A3GALT2: variants seen among roughly 807,000 people sequenced by gnomAD.
A3GALT2 encodes alpha-1,3-galactosyltransferase 2.
A3GALT2 carries 14 observed loss-of-function variants against 16.6 expected under a neutral mutation model. The ratio of observed to expected loss-of-function variants is 0.84; its 90% CI spans 0.56 to 1.32. A3GALT2 has a LOEUF of 1.32. A3GALT2 is among the 40% of genes most tolerant of loss of function. A3GALT2 has a pLI of 0.00. For missense variants in A3GALT2, 600 were observed against 490.9 expected (o/e 1.22, Z -2.10); for synonymous variants, 253 against 218.0 (o/e 1.16, Z -1.42).
At chr1:33,317,217 G>A (rs1024775786) in intron 1 of A3GALT2, among the ~76,000 whole-genome samples, 3 of 152,064 alleles carry the variant, frequency 2.0e-5, no homozygotes, top group Non-Finnish European at 4.4e-5. Context: ...CTGCAGTCAC[G>A]TAGAAAAATG....
rs778977239 is a variant in A3GALT2 at position 33,306,991 on chromosome 1, G to A, written c.798C>T (p.Arg266=). The change falls in exon 5 of 5, where the codon CGC becomes CGT. Residue 266 remains arginine (R), a synonymous_variant. Transcript: ENST00000442999. Reference sequence around the variant, plus strand: ...CCCCCGCACAGTGCGCCGTCAGCCCGCGCAGCGCCGCCACGCTGCCCCCGA... The same window carrying A: ...CCCCCGCACAGTGCGCCGTCAGCCCACGCAGCGCCGCCACGCTGCCCCCGA... ...AVFGGSVAAL[R]GLTAHCAGGL... 4.8e-6 allele frequency: 7 copies of A among 1,462,636 alleles called. No homozygotes were observed. Among genetic ancestry groups the A allele is most frequent in the Non-Finnish European group, 6.3e-6 (7 of 1,114,466 alleles). 90.6% of individuals were successfully genotyped at this position (1,462,636 alleles called of 1,614,324 possible). A position where few individuals can be genotyped will look rare whatever the true frequency, so the allele number is the denominator to read the frequency against.
chr1:33,321,046 C>A, intron 1 of A3GALT2, 30 bp downstream of exon 1: 2 of 1,613,000 alleles, frequency 1.2e-6, no homozygotes, highest in Non-Finnish European at 1.7e-6. Context: ...CCCAAGCTTT[C>A]TTCCTCTCCA....
In A3GALT2 at chr1:33,307,308, C is replaced by G; in HGVS notation, c.481G>C (p.Glu161Gln). 1.3e-6 allele frequency: 2 copies of G among 1,493,554 alleles called. No individual in the cohort carries two copies. Among genetic ancestry groups the G allele is most frequent in the South Asian group, 1.3e-5 (1 of 77,168 alleles). The allele number at this position is 1,493,554 out of a possible 1,614,324, so 92.5% of individuals were successfully genotyped here. ...ALGPGRRLPV[E>Q]RVARERRWQD... is the part of the protein sequence containing the mutation. ...CAGCGCCGCTCGCGCGCCACGCGCTCCACGGGCAGCCGGCGTCCCGGGCCC... is the reference window on the plus strand; with the variant it reads ...CAGCGCCGCTCGCGCGCCACGCGCTGCACGGGCAGCCGGCGTCCCGGGCCC... The change falls in exon 5 of 5, where the codon GAG (glutamate) becomes CAG (glutamine). Residue 161 changes from glutamate to glutamine, a missense_variant. Transcript: ENST00000442999.
In A3GALT2 at chr1:33,320,271, G is replaced by A. The variant is rs1056933957; in HGVS notation, c.23+805C>T. 2.0e-5 allele frequency among the ~76,000 whole-genome samples: 3 copies of A among 152,038 alleles called. No individual in the cohort carries two copies. Among genetic ancestry groups the A allele is most frequent in the African/African-American group, 7.2e-5 (3 of 41,450 alleles). On this transcript the variant is annotated intron_variant, in intron 1 of 4. Coordinates refer to ENST00000442999, the MANE Select transcript of A3GALT2 (RefSeq NM_001080438.1). This position sits in a 1 kb window ranked among gnomAD's most constrained non-coding sequence, Gnocchi z 4.3. ...GGGAGGTGTGCGAGGTACTGCGTAA[G>A]GTACTACAGGAGCAGGAAAAGGCTG...
At position 33,312,074 on chromosome 1, in the gene A3GALT2, G is replaced by C. The variant is rs146764026; in HGVS notation, c.313C>G (p.Leu105Val). 3.5e-3 allele frequency: 5,641 copies of C among 1,613,258 alleles called. 17 individuals are homozygous for C. Among genetic ancestry groups the C allele is most frequent in the Non-Finnish European group, 4.4e-3 (5,180 of 1,179,498 alleles). ...EARQQNLTIG[L>V]TIFAVGRYLE... The stretch of plus-strand genomic sequence containing the variant: ...TACCTGCCTACAGCAAAGATAGTCA[G>C]CCCAATGGTGAGGTTCTGCTGTCTA... Residue 105 changes from leucine (L) to valine (V), a missense_variant, in exon 4 of 5, where the codon CTG becomes GTG. Coordinates refer to ENST00000442999, the MANE Select transcript of A3GALT2 (RefSeq NM_001080438.1).
chr1:33,310,784 G>T (rs560554627), intron 4 of A3GALT2, among the ~76,000 whole-genome samples: 4 of 152,340 alleles, frequency 2.6e-5, no homozygotes, highest in South Asian at 4.1e-4. Flanking sequence ...CAGTATCCCA[G>T]AATTTTCTGT....
intron 4 of A3GALT2, among the ~76,000 whole-genome samples, chr1:33,308,466 C>T (rs976621795): frequency 4.6e-5 from 7 of 152,092 alleles, no homozygotes; most frequent in Non-Finnish European, 1.0e-4. Context: ...AGTACAGTGG[C>T]GCTATCTCAG....
At position 33,312,555 on chromosome 1, in the gene A3GALT2, G is replaced by A; in HGVS notation, c.143C>T (p.Pro48Leu). ...TCTCAGCTGGGACATTGTGGCCGAA[G>A]GGCAGACGCCCATGGGGATGAGGGC... is the stretch of plus-strand genomic sequence containing the variant. ...LEALIPMGVC[P>L]SATMSQLRDN... The change falls in exon 3 of 5, where the codon CCT becomes CTT. Residue 48 changes from proline (P) to leucine (L), a missense_variant. Physicochemically the swap from Pro to Leu is moderately conservative, Grantham distance 98. Transcript: ENST00000442999. The A allele has an allele frequency of 6.2e-7, 1 of 1,602,538 alleles. No homozygotes were observed. Among genetic ancestry groups the A allele is most frequent in the East Asian group, 2.2e-5 (1 of 44,756 alleles).
rs1646199438 is a variant in A3GALT2 at position 33,307,286 on chromosome 1, C to A, written c.503G>T (p.Arg168Leu). The change falls in exon 5 of 5, where the codon CGC becomes CTC. Residue 168 changes from arginine (R) to leucine (L), a missense_variant. Coordinates refer to ENST00000442999, the MANE Select transcript of A3GALT2 (RefSeq NM_001080438.1). Reference sequence around the variant, plus strand: ...GCGCGCCATCGACACGTCTTGCCAGCGCCGCTCGCGCGCCACGCGCTCCAC... The same window carrying A: ...GCGCGCCATCGACACGTCTTGCCAGAGCCGCTCGCGCGCCACGCGCTCCAC... The part of the protein sequence containing the change: ...LPVERVARER[R>L]WQDVSMARMR... The A allele has an allele frequency of 6.9e-6, 10 of 1,439,148 alleles. No homozygotes were observed. The highest frequency in any genetic ancestry group is 1.5e-5 in the African/African-American group (1 of 67,158). The allele number at this position is 1,439,148 out of a possible 1,614,324, so 89.1% of individuals were successfully genotyped here. A position where few individuals can be genotyped will look rare whatever the true frequency, so the allele number is the denominator to read the frequency against.
At chr1:33,310,576 C>T (rs142955005) in intron 4 of A3GALT2, among the ~76,000 whole-genome samples, 23 of 152,284 alleles carry the variant, frequency 1.5e-4, no homozygotes, top group Non-Finnish European at 2.8e-4. Flanking sequence ...TGTGCATTGT[C>T]TCATCTAAAG....
At chr1:33,309,746 G>A (rs868764456) in intron 4 of A3GALT2, among the ~76,000 whole-genome samples, 2 of 152,076 alleles carry the variant, frequency 1.3e-5, no homozygotes, top group Non-Finnish European at 2.9e-5. Context: ...TCAGACGATG[G>A]GCGGCCGGGC....
At chr1:33,312,977 A>T in intron 1 of A3GALT2, 87 bp from the exon 2 acceptor site, 1 of 1,107,046 alleles carries the variant, frequency 9.0e-7, no homozygotes, top group Non-Finnish European at 1.3e-6. Context: ...AGTCTTTCTT[A>T]CTTCCAGCCA....
Position 33,306,996 on chromosome 1 carries a change from G to GCGCCGCCACGCTGCCCCCGAACAC in A3GALT2, c.769_792dup (p.Val257_Ala264dup). The GCGCCGCCACGCTGCCCCCGAACAC allele has an allele frequency of 1.4e-6, 2 of 1,460,488 alleles. No homozygotes were observed. The highest frequency in any genetic ancestry group is 1.4e-5 in the South Asian group (1 of 73,230). The allele number at this position is 1,460,488 out of a possible 1,614,324, so 90.5% of individuals were successfully genotyped here. A position where few individuals can be genotyped will look rare whatever the true frequency, so the allele number is the denominator to read the frequency against. ...GCACAGTGCGCCGTCAGCCCGCGCAGCGCCGCCACGCTGCCCCCGAACACC... is the reference window on the plus strand; with the variant it reads ...GCACAGTGCGCCGTCAGCCCGCGCAGCGCCGCCACGCTGCCCCCGAACACCGCCGCCACGCTGCCCCCGAACACC... On this transcript the variant is annotated inframe_insertion, in exon 5 of 5. Transcript: ENST00000442999.
In A3GALT2 at chr1:33,320,762, C is replaced by T. The variant is rs1026063181; in HGVS notation, c.23+314G>A. Among the ~76,000 whole-genome samples the T allele has an allele frequency of 6.6e-5, 10 of 151,958 alleles. No homozygotes were observed. Among genetic ancestry groups the T allele is most frequent in the African/African-American group, 1.4e-4 (6 of 41,414 alleles). On this transcript the variant is annotated intron_variant, in intron 1 of 4. Transcript: ENST00000442999. This position sits in a 1 kb window ranked among gnomAD's most constrained non-coding sequence, Gnocchi z 4.3. The stretch of plus-strand genomic sequence containing the variant: ...TACAGTCGGGGAGGGAATGTACCCC[C>T]GGGTCTCTGCTTTCCGGCTCGCCAA...
At chr1:33,311,904 G>A (rs1331405508) in intron 4 of A3GALT2, 148 bp downstream of exon 4, 2 of 1,177,594 alleles carry the variant, frequency 1.7e-6, no homozygotes, top group Admixed American at 2.4e-5. Flanking sequence ...GCTCATCTGG[G>A]GGTGTGGGGC....
intron 1 of A3GALT2, among the ~76,000 whole-genome samples, chr1:33,318,230 C>G (rs905593745): frequency 6.6e-6 from 1 of 152,166 alleles, no homozygotes. Context: ...TTAAACATGT[C>G]TAGTAGCCAC....
Position 33,307,408 on chromosome 1 carries a change from C to A in A3GALT2, c.381G>T (p.Gln127His), listed in dbSNP as rs200061924. 1,279 of 1,557,942 alleles carry A rather than the reference C, an allele frequency of 8.2e-4. 12 individuals carry two copies. Among genetic ancestry groups the A allele is most frequent in the South Asian group, 2.3e-3 (206 of 88,042 alleles). The change falls in exon 5 of 5, where the codon CAG becomes CAT. Residue 127 changes from glutamine to histidine, a missense_variant. By Grantham distance (24) the Gln-to-His change is conservative. Transcript: ENST00000442999. Reference protein sequence around the residue: ...YLERFLETAEQHFMAGQSVMY... With the variant: ...YLERFLETAEHHFMAGQSVMY... ...TCACGCTCTGGCCCGCCATGAAGTG[C>A]TGCTCCGCCGTCTCCAGGAAGCGCT...
intron 1 of A3GALT2, among the ~76,000 whole-genome samples, chr1:33,315,087 AAATT>A (rs1646255330): frequency 6.6e-6 from 1 of 151,962 alleles, no homozygotes; most frequent in Non-Finnish European, 1.5e-5. Flanking sequence ...CCTCTGCAAA[AAATT>A]AAATTAGCCG....
At chr1:33,318,056 G>C (rs571533970) in intron 1 of A3GALT2, among the ~76,000 whole-genome samples, 1 of 152,304 alleles carries the variant, frequency 6.6e-6, no homozygotes, top group Non-Finnish European at 1.5e-5. Flanking sequence ...GAAAAGGAAG[G>C]AATAACTAAT....
Sources: gnomAD v4.1 joint callset for allele counts (sites outside exome capture counted in the v4.1 genomes callset) on GRCh38, gnomAD v4.1.1 for gene constraint, Gnocchi (gnomAD v3.1) non-coding constraint, MANE v1.5 for transcripts, NCBI Gene and HGNC (gene_info 2026-07-23, HGNC 2026-07-21) for gene names.